Variants in RPLP0 observed in about 807,000 individuals in gnomAD.
RPLP0 encodes ribosomal protein lateral stalk subunit P0, also known as large ribosomal subunit protein uL10.
For missense variants in RPLP0, 276 were observed against 402.9 expected (o/e 0.69, Z 2.70); for synonymous variants, 137 against 153.4 (o/e 0.89, Z 0.79).
At position 120,199,533 on chromosome 12, in the gene RPLP0, GA is replaced by G. The variant is rs756336271; in HGVS notation, c.55-49del. 27 of 1,564,150 alleles carry G rather than the reference GA, an allele frequency of 1.7e-5. No individual in the cohort carries two copies. The East Asian group carries it at 5.0e-4, about 29-fold the overall frequency. On this transcript the variant is annotated intron_variant, in intron 2 of 7. Coordinates refer to ENST00000392514, the MANE Select transcript of RPLP0 (RefSeq NM_001002.4). ...GCCAAGTTTAACAGGAAGAGAGAGG[GA>G]AAAAATGCCAGAAGAAACTGAACCC...
intron 2 of RPLP0, chr12:120,200,077 TAA>T (rs1879360833): frequency 2.2e-6 from 1 of 455,986 alleles, no homozygotes; most frequent in Non-Finnish European, 4.4e-6. Flanking sequence ...ATTGGACACT[TAA>T]GTTTCTTGGC....
chr12:120,200,890 G>A lies in RPLP0; in HGVS notation c.-48-59C>T, dbSNP rs1879429592. ...GCCGACACCCATCCCGCGGTCCCGG[G>A]CCTAAGAGGAGCAGGACACGCGCAA... On this transcript the variant is annotated intron_variant, in intron 1 of 7. Transcript: ENST00000392514. The A allele has an allele frequency of 8.7e-6, 13 of 1,502,126 alleles. No individual in the cohort carries two copies. The South Asian group carries it at 1.0e-4, about 12-fold the overall frequency. The allele number at this position is 1,502,126 out of a possible 1,614,324, so 93.0% of individuals were successfully genotyped here.
Position 120,198,950 on chromosome 12 carries a change from C to A in RPLP0, c.369G>T (p.Val123=), listed in dbSNP as rs1192182412. ...AGAIAPCEVT[V]PAQNTGLGPE... The stretch of plus-strand genomic sequence containing the variant: ...GCCCGAGACCAGTGTTCTGGGCTGG[C>A]ACAGTGACTTCACATGGGGCAATGG... The change falls in exon 5 of 8, where the codon GTG becomes GTT. Residue 123 remains valine (V), a synonymous_variant. Coordinates refer to ENST00000392514, the MANE Select transcript of RPLP0 (RefSeq NM_001002.4). This position sits in a 1 kb window ranked among gnomAD's most constrained non-coding sequence, Gnocchi z 4.1. 6.2e-7 allele frequency: 1 copy of A among 1,613,876 alleles called. No individual in the cohort carries two copies. The highest frequency in any genetic ancestry group is 1.7e-5 in the Admixed American group (1 of 59,992).
rs746667978 is a variant in RPLP0, at chr12:120,196,864, G to A, written c.863C>T (p.Ala288Val). Residue 288 changes from alanine to valine, a missense_variant, in exon 8 of 8, where the codon GCT (alanine) becomes GTT (valine). By Grantham distance (64) the Ala-to-Val change is moderately conservative (BLOSUM62 0). Transcript: ENST00000392514. The part of the protein sequence containing the change: ...AAPVAAATTA[A>V]PAAAAAPAKV... Reference sequence around the variant, plus strand: ...AGCTGGGGCTGCAGCAGCAGCAGGAGCAGCTGTGGTGGCAGCAGCCACAGG... The same window carrying A: ...AGCTGGGGCTGCAGCAGCAGCAGGAACAGCTGTGGTGGCAGCAGCCACAGG... 39 of 1,612,224 alleles carry A rather than the reference G, an allele frequency of 2.4e-5. No homozygotes were observed. The highest frequency in any genetic ancestry group is 3.2e-5 in the Non-Finnish European group (38 of 1,179,584).
rs1365199614 is a variant in RPLP0 at position 120,200,571 on chromosome 12, G to A, written c.54+159C>T. ...TGCCTGAGCCCGTTTATCTGCAACA[G>A]AAGGGACCTATCTCAGGAAATTGTT... is the stretch of plus-strand genomic sequence containing the variant. On this transcript the variant is annotated intron_variant, in intron 2 of 7. Transcript: ENST00000392514. The A allele has an allele frequency of 2.6e-5, 19 of 729,932 alleles. No homozygotes were observed. In the South Asian group the frequency reaches 3.6e-4, roughly 14 times the overall value. 45.2% of individuals were successfully genotyped at this position (729,932 alleles called of 1,614,324 possible). A position where few individuals can be genotyped will look rare whatever the true frequency, so the allele number is the denominator to read the frequency against.
intron 6 of RPLP0, 188 bp from the exon 7 acceptor site, chr12:120,197,650 C>A (rs1312189631): frequency 7.6e-6 from 5 of 654,510 alleles, no homozygotes; most frequent in East Asian, 2.8e-5. Context: ...TAAATTTTGC[C>A]CTTATTCCAA....
At chr12:120,200,859 G>A in intron 1 of RPLP0, 28 bp from the exon 2 acceptor site, 3 of 1,559,920 alleles carry the variant, frequency 1.9e-6, no homozygotes, top group East Asian at 4.7e-5. Flanking sequence ...GCTCAGGCCT[G>A]GTCACGCCGA....
In RPLP0 at chr12:120,201,103, G is replaced by A. The variant is rs549414078; in HGVS notation, c.-69C>T. On this transcript the variant is annotated 5_prime_UTR_variant, in exon 1 of 8. Transcript: ENST00000392514. ...CGAACCTTCCACGAGGACGCCTGGC[G>A]AGAGAAGGGCCTCGCGCCCGCGCGT... 4.9e-5 allele frequency: 17 copies of A among 349,938 alleles called. No individual in the cohort carries two copies. Among genetic ancestry groups the A allele is most frequent in the South Asian group, 2.7e-4 (4 of 15,048 alleles). The allele number at this position is 349,938 out of a possible 1,614,324, so 21.7% of individuals were successfully genotyped here.
intron 2 of RPLP0, chr12:120,200,446 G>C: frequency 2.6e-6 from 1 of 380,936 alleles, no homozygotes; most frequent in South Asian, 3.0e-5. Flanking sequence ...CTGGACAACA[G>C]AGCGAGACTC....
intron 1 of RPLP0, 74 bp from the exon 2 acceptor site, chr12:120,200,905 G>A (rs1344013547): frequency 4.2e-5 from 61 of 1,455,260 alleles, no homozygotes; most frequent in South Asian, 5.6e-5. Context: ...AGAGGAGCAG[G>A]ACACGCGCAA....
rs12099681 is a variant in RPLP0 at position 120,198,309 on chromosome 12, C to G, written c.651+245G>C. On this transcript the variant is annotated intron_variant, in intron 6 of 7. Transcript: ENST00000392514. The surrounding 1 kb of genome is among the most constrained non-coding windows in gnomAD (Gnocchi z 4.1). ...CTGAGGCAGGAGAATGGTGTGAACC[C>G]GGAGGCGGAGCTTGCAGTGAGCCGG... 10 of 463,026 alleles carry G rather than the reference C, an allele frequency of 2.2e-5. No individual in the cohort carries two copies. Among genetic ancestry groups the G allele is most frequent in the Non-Finnish European group, 3.6e-5 (9 of 253,470 alleles). The allele number at this position is 463,026 out of a possible 1,614,324, so 28.7% of individuals were successfully genotyped here. A position where few individuals can be genotyped will look rare whatever the true frequency, so the allele number is the denominator to read the frequency against.
chr12:120,200,532 G>T, intron 2 of RPLP0, 198 bp downstream of exon 2: 1 of 580,918 alleles, frequency 1.7e-6, no homozygotes, highest in Non-Finnish European at 3.0e-6. Flanking sequence ...TGTCATCTTA[G>T]GACCCACTTA....
At chr12:120,199,591 C>G (rs1879326497) in intron 2 of RPLP0, 106 bp from the exon 3 acceptor site, 1 of 1,223,642 alleles carries the variant, frequency 8.2e-7, no homozygotes, top group South Asian at 1.5e-5. Flanking sequence ...TCCCTTTCTT[C>G]TAAGCTTTTG....
rs1370529414 is a variant in RPLP0, at chr12:120,199,483, T to C, written c.57A>G (p.Gln19=). Residue 19 remains glutamine, a splice_region_variant and synonymous_variant, in exon 3 of 8, where the codon CAA becomes CAG. Transcript: ENST00000392514. ...WKSNYFLKII[Q]LLDDYPKCFI... Reference sequence around the variant, plus strand: ...AACATTTCGGATAATCATCCAATAGTTGCTACAAAAAACAAGCCAGAGGAG... The same window carrying C: ...AACATTTCGGATAATCATCCAATAGCTGCTACAAAAAACAAGCCAGAGGAG... 10 of 1,613,346 alleles carry C rather than the reference T, an allele frequency of 6.2e-6. No individual in the cohort carries two copies. Among genetic ancestry groups the C allele is most frequent in the South Asian group, 1.1e-5 (1 of 91,026 alleles).
intron 2 of RPLP0, 136 bp from the exon 3 acceptor site, chr12:120,199,621 A>G: frequency 1.1e-6 from 1 of 883,994 alleles, no homozygotes; most frequent in African/African-American, 1.7e-5. Flanking sequence ...GGAGATTGGG[A>G]GCTACGTTGT....
chr12:120,199,704 A>T lies in RPLP0; in HGVS notation c.55-219T>A, dbSNP rs1879335141. The T allele has an allele frequency of 9.2e-6, 5 of 540,818 alleles. No homozygotes were observed. The East Asian group carries it at 1.6e-4, about 18-fold the overall frequency. The allele number at this position is 540,818 out of a possible 1,614,324, so 33.5% of individuals were successfully genotyped here. Reference sequence around the variant, plus strand: ...ATTAGGTTTCTACATTCAATCAAGGAGTTTTTTCTTTTTTTACTTAGTTTT... The same window carrying T: ...ATTAGGTTTCTACATTCAATCAAGGTGTTTTTTCTTTTTTTACTTAGTTTT... On this transcript the variant is annotated intron_variant, in intron 2 of 7. Coordinates refer to ENST00000392514, the MANE Select transcript of RPLP0 (RefSeq NM_001002.4).
rs1347667769 is a variant in RPLP0 at position 120,198,400 on chromosome 12, A to T, written c.651+154T>A. On this transcript the variant is annotated intron_variant, in intron 6 of 7. Coordinates refer to ENST00000392514, the MANE Select transcript of RPLP0 (RefSeq NM_001002.4). The surrounding 1 kb of genome is among the most constrained non-coding windows in gnomAD (Gnocchi z 4.1). ...GACTCTGTCTCCAAAAAAAAAAAAA[A>T]AAAATCCTTCAACAATCTTATGTTG... is the stretch of plus-strand genomic sequence containing the variant. 3 of 859,966 alleles carry T rather than the reference A, an allele frequency of 3.5e-6. No individual in the cohort carries two copies. Among genetic ancestry groups the T allele is most frequent in the African/African-American group, 1.7e-5 (1 of 58,002 alleles). 53.3% of individuals were successfully genotyped at this position (859,966 alleles called of 1,614,324 possible).
chr12:120,200,986 C>A (rs1879437903), intron 1 of RPLP0, 97 bp downstream of exon 1: 2 of 870,730 alleles, frequency 2.3e-6, no homozygotes, highest in East Asian at 5.5e-5. Context: ...AGGCCCCAGG[C>A]GGAACAGAAT....
At chr12:120,200,185 C>T in intron 2 of RPLP0, 1 of 446,664 alleles carries the variant, frequency 2.2e-6, no homozygotes, top group Non-Finnish European at 4.5e-6. Flanking sequence ...TAATGTGCGG[C>T]CGGGCGCGGT....
Sources: gnomAD v4.1 joint callset for allele counts on GRCh38, gnomAD v4.1.1 for gene constraint, Gnocchi (gnomAD v3.1) non-coding constraint, MANE v1.5 for transcripts, NCBI Gene and HGNC (gene_info 2026-07-23, HGNC 2026-07-21) for gene names.